Variants in VWA8 observed in about 807,000 individuals in gnomAD.
VWA8 encodes the protein von Willebrand factor A domain containing 8.
VWA8 carries 221 observed loss-of-function variants against 241.5 expected under a neutral mutation model. That is an observed-to-expected ratio of 0.91 (90% CI 0.82 to 1.02). The LOEUF is 1.02. VWA8 is among the 50% of genes least tolerant of loss of function. The pLI, the probability that VWA8 is intolerant of heterozygous loss-of-function variation, is 0.00. For synonymous variants in VWA8, 852 were observed against 827.1 expected, an observed-to-expected ratio of 1.03 and a Z score of -0.52; for missense variants, 2,322 against 2,328.7, an observed-to-expected ratio of 1.00 and a Z score of 0.06.
chr13:41,849,654 C>T (rs1488224639), intron 12 of VWA8, among the ~76,000 whole-genome samples: 12 of 152,000 alleles, frequency 7.9e-5, no homozygotes, highest in East Asian at 1.9e-4. Context: ...TTTGGGAGGC[C>T]GAGGCCGGTG....
intron 37 of VWA8, among the ~76,000 whole-genome samples, chr13:41,668,078 GACAA>G (rs769494449): frequency 5.3e-5 from 8 of 152,160 alleles, no homozygotes; most frequent in African/African-American, 1.2e-4. Context: ...ATGTAGCAAA[GACAA>G]ACAGAGTAGT....
At position 41,701,526 on chromosome 13, in the gene VWA8, G is replaced by C. The variant is rs1271364396; in HGVS notation, c.3230C>G (p.Pro1077Arg). Residue 1077 changes from proline to arginine, a missense_variant, in exon 28 of 45, where the codon CCA becomes CGA. Transcript: ENST00000379310. Reference sequence around the variant, plus strand: ...ATACTCCTGTATATTTATAAGTGCTGGACCCTATAATAAAGCAGTTATCTC... The same window carrying C: ...ATACTCCTGTATATTTATAAGTGCTCGACCCTATAATAAAGCAGTTATCTC... ...VETHHIDIKG[P>R]ALINIQEYPI... 1.3e-6 allele frequency: 2 copies of C among 1,571,458 alleles called. No homozygotes were observed. The highest frequency in any genetic ancestry group is 1.7e-6 in the Non-Finnish European group (2 of 1,163,974).
intron 42 of VWA8, among the ~76,000 whole-genome samples, chr13:41,583,663 C>CAAAAAAAAAAAAA (rs2044399040): frequency 7.8e-6 from 1 of 127,638 alleles, no homozygotes; most frequent in African/African-American, 3.0e-5. Flanking sequence ...AAAAAAAAAA[C>CAAAAAAAAAAAAA]AAACAAAAAA....
intron 32 of VWA8, 44 bp downstream of exon 32, chr13:41,691,276 T>A (rs372198226): frequency 2.5e-6 from 4 of 1,573,954 alleles, no homozygotes; most frequent in Non-Finnish European, 3.5e-6. Flanking sequence ...TAAATAAGAT[T>A]GAGCTACAAC....
At chr13:41,779,724 A>G (rs909411795) in intron 19 of VWA8, among the ~76,000 whole-genome samples, 4 of 152,204 alleles carry the variant, frequency 2.6e-5, no homozygotes, top group African/African-American at 9.7e-5. Context: ...CCAGTAATAA[A>G]TGGGCTAATC....
At chr13:41,687,036 A>G (rs1434544410) in intron 34 of VWA8, among the ~76,000 whole-genome samples, 2 of 152,140 alleles carry the variant, frequency 1.3e-5, no homozygotes, top group Non-Finnish European at 2.9e-5. Flanking sequence ...CATTTGTAAA[A>G]TTAGGCTATT....
At chr13:41,831,918 C>T (rs943193105) in intron 13 of VWA8, among the ~76,000 whole-genome samples, 2 of 151,208 alleles carry the variant, frequency 1.3e-5, no homozygotes, top group Non-Finnish European at 3.0e-5. Flanking sequence ...CTGCACCTGG[C>T]CCGCATCAGC....
intron 17 of VWA8, among the ~76,000 whole-genome samples, chr13:41,799,965 G>C (rs1425184795): frequency 6.6e-6 from 1 of 152,044 alleles, no homozygotes; most frequent in African/African-American, 2.4e-5. Flanking sequence ...CTGGCTTCAG[G>C]CTACTACCAA....
intron 15 of VWA8, 102 bp from the exon 16 acceptor site, chr13:41,816,877 AT>A: frequency 2.2e-6 from 2 of 919,824 alleles, no homozygotes; most frequent in Non-Finnish European, 3.4e-6. Flanking sequence ...TTAGAATTAC[AT>A]TTTTAGAAAA....
At chr13:41,755,773 T>C (rs1593748230) in intron 21 of VWA8, among the ~76,000 whole-genome samples, 1 of 151,788 alleles carries the variant, frequency 6.6e-6, no homozygotes, top group African/African-American at 2.4e-5. Context: ...CTAAGAAAGA[T>C]ATTATTATAT....
intron 2 of VWA8, among the ~76,000 whole-genome samples, chr13:41,935,659 T>C (rs954259039): frequency 6.6e-6 from 1 of 151,982 alleles, no homozygotes; most frequent in Non-Finnish European, 1.5e-5. Flanking sequence ...CCCAATGCCC[T>C]ACAAGGAAGT....
In VWA8 at chr13:41,572,415, G is replaced by T. The variant is rs573169965; in HGVS notation, c.5371-1709C>A. 1.1e-3 allele frequency among the ~76,000 whole-genome samples: 169 copies of T among 152,368 alleles called. 1 individual carries two copies. Among genetic ancestry groups the T allele is most frequent in the African/African-American group, 3.9e-3 (163 of 41,576 alleles). On this transcript the variant is annotated intron_variant, in intron 43 of 44. Coordinates refer to ENST00000379310, the MANE Select transcript of VWA8 (RefSeq NM_015058.2). ...TGTTACTGTGTTGGTGTAGAAAGAA[G>T]TAGACATGGGAGACTCCATTTTGTT...
At chr13:41,626,560 T>A (rs1240555516) in intron 37 of VWA8, among the ~76,000 whole-genome samples, 2 of 152,080 alleles carry the variant, frequency 1.3e-5, no homozygotes, top group Non-Finnish European at 2.9e-5. Context: ...GGTGTTGGTA[T>A]AAAAACAGAC....
chr13:41,704,130 T>C (rs1402468100), intron 26 of VWA8, among the ~76,000 whole-genome samples: 1 of 152,250 alleles, frequency 6.6e-6, no homozygotes, highest in Non-Finnish European at 1.5e-5. Flanking sequence ...GTATGTTGTA[T>C]AGGGCAAGTT....
intron 35 of VWA8, among the ~76,000 whole-genome samples, chr13:41,680,556 T>C (rs2045091739): frequency 6.6e-6 from 1 of 152,078 alleles, no homozygotes; most frequent in Non-Finnish European, 1.5e-5. Context: ...AAGAGAAAAA[T>C]GGCTAAATAG....
intron 14 of VWA8, 107 bp downstream of exon 14, chr13:41,830,422 A>G: frequency 7.4e-6 from 7 of 940,634 alleles, no homozygotes; most frequent in Non-Finnish European, 1.1e-5. Flanking sequence ...AAATTATTAA[A>G]TTGTTCAAAG....
chr13:41,861,817 GA>G (rs964406369), intron 12 of VWA8, among the ~76,000 whole-genome samples: 1 of 151,938 alleles, frequency 6.6e-6, no homozygotes, highest in Non-Finnish European at 1.5e-5. Context: ...ACAAACAAGT[GA>G]AAAAAACATG....
intron 4 of VWA8, among the ~76,000 whole-genome samples, chr13:41,899,107 G>C (rs1322460837): frequency 6.6e-6 from 1 of 152,230 alleles, no homozygotes; most frequent in African/African-American, 2.4e-5. Flanking sequence ...GAGAGCAAGC[G>C]AGGGCTCTGA....
chr13:41,798,517 G>A lies in VWA8; in HGVS notation c.2064-10974C>T, dbSNP rs551450783. Among the ~76,000 whole-genome samples, 49 of 152,154 alleles carry A rather than the reference G, an allele frequency of 3.2e-4. 2 individuals are homozygous for A. The highest frequency in any genetic ancestry group is 2.9e-3 in the South Asian group (14 of 4,812). ...CTACTATTGCTGATGTAAAGTTGTC[G>A]GCTTGATATTTTTTCTCTTGTATCT... On this transcript the variant is annotated intron_variant, in intron 17 of 44. Transcript: ENST00000379310.
Sources: allele counts gnomAD v4.1 joint callset (sites outside exome capture counted in the v4.1 genomes callset), GRCh38; gene constraint gnomAD v4.1.1; transcripts MANE v1.5; gene names NCBI Gene and HGNC (gene_info 2026-07-23, HGNC 2026-07-21).